The following IL1RAPL2 variants were observed in gnomAD, a reference collection of about 807,000 sequenced individuals.
IL1RAPL2 encodes the protein interleukin 1 receptor accessory protein like 2.
IL1RAPL2 carries 3 observed loss-of-function variants against 44.1 expected under a neutral mutation model. The ratio of observed to expected loss-of-function variants is 0.07; its 90% confidence interval spans 0.03 to 0.18. The LOEUF is 0.18. Ranked by LOEUF, IL1RAPL2 falls within the 10% of genes least tolerant of loss-of-function variation. IL1RAPL2 has a pLI of 1.00. For synonymous variants in IL1RAPL2, 181 were observed against 178.8 expected (o/e 1.01, Z -0.10); for missense variants, 391 against 496.4 (o/e 0.79, Z 2.02).
intron 2 of IL1RAPL2, among the ~76,000 whole-genome samples, chrX:105,034,422 T>C (rs2031580516): frequency 8.9e-6 from 1 of 112,174 alleles, no homozygotes; most frequent in South Asian, 3.7e-4. Flanking sequence ...TCCTTTCTGT[T>C]TGTTAGTTTT....
At chrX:105,040,156 T>G (rs2031701898) in intron 2 of IL1RAPL2, among the ~76,000 whole-genome samples, 1 of 111,707 alleles carries the variant, frequency 9.0e-6, no homozygotes, top group South Asian at 3.8e-4. Flanking sequence ...TTTTTGTCTT[T>G]GGTTCTGTTT....
intron 2 of IL1RAPL2, among the ~76,000 whole-genome samples, chrX:104,889,430 C>A (rs1385405580): frequency 8.9e-6 from 1 of 112,074 alleles, no homozygotes; most frequent in African/African-American, 3.2e-5. Flanking sequence ...ATGAAAACAA[C>A]AAACTCACAC....
intron 5 of IL1RAPL2, among the ~76,000 whole-genome samples, chrX:105,304,758 A>G (rs2034721947): frequency 1.8e-5 from 2 of 112,023 alleles, no homozygotes. Flanking sequence ...TTACCACATC[A>G]AGGTACTAAA....
chrX:104,868,625 G>A lies in IL1RAPL2; in HGVS notation c.82+209630G>A, dbSNP rs6621873. 0.015 allele frequency among the ~76,000 whole-genome samples: 1,659 copies of A among 112,178 alleles called. 73 individuals are homozygous for A. In the East Asian group the frequency reaches 0.18, roughly 12 times the overall value. On this transcript the variant is annotated intron_variant, in intron 2 of 10. Transcript: ENST00000372582. The stretch of plus-strand genomic sequence containing the variant: ...ATTTGATCCCCAAAGAAACATAAGT[G>A]CTGCTTCTGTGGCAGTAGAAATTTG...
chrX:105,137,282 C>T (rs1339769052), intron 2 of IL1RAPL2, among the ~76,000 whole-genome samples: 1 of 112,325 alleles, frequency 8.9e-6, no homozygotes, highest in Non-Finnish European at 1.9e-5. Flanking sequence ...TCAGTAGTCA[C>T]ATCTAACATG....
chrX:105,393,234 T>G (rs938639179), intron 5 of IL1RAPL2, among the ~76,000 whole-genome samples: 3 of 109,563 alleles, frequency 2.7e-5, no homozygotes, highest in African/African-American at 1.0e-4. Flanking sequence ...GTGTGGAAAA[T>G]GGTCCTCATG....
chrX:105,424,316 TG>T (rs1432722898), intron 5 of IL1RAPL2, among the ~76,000 whole-genome samples: 3 of 111,033 alleles, frequency 2.7e-5, no homozygotes, highest in African/African-American at 9.8e-5. Flanking sequence ...AAGTGGAGAA[TG>T]GTCTTCCAGG....
At chrX:104,887,138 G>A (rs1332285376) in intron 2 of IL1RAPL2, among the ~76,000 whole-genome samples, 3 of 112,077 alleles carry the variant, frequency 2.7e-5, no homozygotes, top group Admixed American at 1.9e-4. Context: ...TGGAATCACC[G>A]GCTTTTGCCA....
At chrX:105,415,880 A>C (rs2035729748) in intron 5 of IL1RAPL2, among the ~76,000 whole-genome samples, 1 of 111,753 alleles carries the variant, frequency 8.9e-6, no homozygotes, top group Non-Finnish European at 1.9e-5. Context: ...TATCCTCTCT[A>C]TATATTAGAC....
intron 2 of IL1RAPL2, among the ~76,000 whole-genome samples, chrX:104,775,590 G>A (rs986630438): frequency 9.0e-6 from 1 of 111,352 alleles, no homozygotes; most frequent in African/African-American, 3.3e-5. Flanking sequence ...TGAACTCTCT[G>A]GTGAGATGAA....
chrX:104,909,541 T>G, intron 2 of IL1RAPL2, among the ~76,000 whole-genome samples: 1 of 111,745 alleles, frequency 8.9e-6, no homozygotes, highest in Non-Finnish European at 1.9e-5. Context: ...GTCCTTTCTG[T>G]TTGTTAGTTT....
At chrX:105,391,352 C>T (rs1022072296) in intron 5 of IL1RAPL2, among the ~76,000 whole-genome samples, 2 of 110,258 alleles carry the variant, frequency 1.8e-5, no homozygotes, top group Admixed American at 9.8e-5. Flanking sequence ...ACAGACACTT[C>T]TCAAAAGAAG....
chrX:105,246,183 A>G (rs7061997), intron 4 of IL1RAPL2, among the ~76,000 whole-genome samples: 4,509 of 112,493 alleles, frequency 0.04, 215 homozygotes, highest in African/African-American at 0.14. Context: ...CTTGTAATCA[A>G]TAGTGTCTTT....
chrX:104,967,535 AAAT>A (rs777361950), intron 2 of IL1RAPL2, among the ~76,000 whole-genome samples: 3 of 111,240 alleles, frequency 2.7e-5, no homozygotes, highest in Non-Finnish European at 5.7e-5. Flanking sequence ...GAAAAAAAGA[AAAT>A]AAGAGGAGGA....
At chrX:105,200,312 G>T (rs2033705996) in intron 3 of IL1RAPL2, among the ~76,000 whole-genome samples, 1 of 111,978 alleles carries the variant, frequency 8.9e-6, no homozygotes, top group Non-Finnish European at 1.9e-5. Flanking sequence ...CTTGGCTAAT[G>T]AATAATTTTT....
At chrX:104,585,269 T>A in intron 1 of IL1RAPL2, among the ~76,000 whole-genome samples, 1 of 20,385 alleles carries the variant, frequency 4.9e-5, no homozygotes, top group Non-Finnish European at 6.8e-5. Context: ...ATATATAATA[T>A]ATTATATATA....
chrX:105,336,366 T>C (rs1431319324), intron 5 of IL1RAPL2, among the ~76,000 whole-genome samples: 5 of 112,639 alleles, frequency 4.4e-5, no homozygotes, highest in Non-Finnish European at 9.4e-5. Context: ...TTCTATGCTA[T>C]GAATCCTTCA....
At chrX:105,058,521 C>G (rs1201416339) in intron 2 of IL1RAPL2, among the ~76,000 whole-genome samples, 3 of 112,260 alleles carry the variant, frequency 2.7e-5, no homozygotes, top group African/African-American at 9.7e-5. Context: ...GGAAACTTAA[C>G]CTCTTCCTTT....
chrX:105,575,238 G>C (rs1419366523), intron 6 of IL1RAPL2, among the ~76,000 whole-genome samples: 1 of 110,189 alleles, frequency 9.1e-6, no homozygotes, highest in Non-Finnish European at 1.9e-5. Flanking sequence ...AGGTAAACTT[G>C]TGTCATGGGG....
Sources: gnomAD v4.1 joint callset for allele counts (sites outside exome capture counted in the v4.1 genomes callset) on GRCh38, gnomAD v4.1.1 for gene constraint, MANE v1.5 for transcripts, NCBI Gene and HGNC (gene_info 2026-07-23, HGNC 2026-07-21) for gene names.